VDAC1: variants seen among roughly 807,000 people sequenced by gnomAD.
VDAC1 encodes the protein voltage dependent anion channel 1.
VDAC1 carries 10 observed loss-of-function variants against 34.7 expected under a neutral mutation model. That is an observed-to-expected ratio of 0.29 (90% CI 0.18 to 0.49). VDAC1 has a LOEUF of 0.49. Among genes scored for constraint, VDAC1 ranks in the 20% least tolerant of loss-of-function variants. The pLI, the probability that VDAC1 is intolerant of heterozygous loss-of-function variation, is 0.99. For missense variants in VDAC1, 230 were observed against 347.9 expected (o/e 0.66, Z 2.69); for synonymous variants, 130 against 136.0 (o/e 0.96, Z 0.30).
At chr5:133,977,564 G>A (rs1383711863) in intron 6 of VDAC1, among the ~76,000 whole-genome samples, 1 of 152,152 alleles carries the variant, frequency 6.6e-6, no homozygotes, top group Non-Finnish European at 1.5e-5. Context: ...AAACTCTGCA[G>A]TCACTGCCAC....
At chr5:134,037,822 C>T in the VDAC1 span, among the ~76,000 whole-genome samples, 372 of 152,156 alleles carry the variant, frequency 2.4e-3, 3 homozygotes, top group African/African-American at 8.0e-3. Flanking sequence ...CAAAAAAAGC[C>T]CCCAAAAACA....
chr5:134,101,635 T>C, the VDAC1 span, among the ~76,000 whole-genome samples: 1 of 151,936 alleles, frequency 6.6e-6, no homozygotes, highest in Non-Finnish European at 1.5e-5. Flanking sequence ...AATCCGTAAA[T>C]GTGAGTTAAC....
At chr5:133,990,220 C>G (rs1753052472) in intron 5 of VDAC1, among the ~76,000 whole-genome samples, 1 of 152,230 alleles carries the variant, frequency 6.6e-6, no homozygotes, top group African/African-American at 2.4e-5. Context: ...AAAGTGCAGC[C>G]TCAGGAGCCA....
At chr5:134,071,251 T>C in the VDAC1 span, among the ~76,000 whole-genome samples, 1 of 152,154 alleles carries the variant, frequency 6.6e-6, no homozygotes, top group Non-Finnish European at 1.5e-5. The surrounding 1 kb of genome is among the most constrained non-coding windows in gnomAD (Gnocchi z 4.1). Flanking sequence ...ACTGCCAAGG[T>C]GCGGACGCAG....
chr5:134,006,265 C>T (rs768036985), upstream of VDAC1, among the ~76,000 whole-genome samples: 3 of 152,194 alleles, frequency 2.0e-5, no homozygotes, highest in African/African-American at 4.8e-5. Context: ...GTGGTCCCCA[C>T]CCCGCACACT....
intron 7 of VDAC1, 151 bp from the exon 8 acceptor site, chr5:133,973,999 T>A (rs1024576576): frequency 1.8e-5 from 12 of 650,878 alleles, no homozygotes; most frequent in African/African-American, 3.7e-5. Context: ...TTAAATTCAA[T>A]ACAAAATACA....
the VDAC1 span, among the ~76,000 whole-genome samples, chr5:134,069,047 A>G: frequency 6.7e-6 from 1 of 150,208 alleles, no homozygotes; most frequent in Non-Finnish European, 1.5e-5. Flanking sequence ...AAGTTTACTT[A>G]GTAGCAGTCC....
chr5:133,988,880 A>G (rs1463054441), intron 5 of VDAC1: 1 of 152,310 alleles, frequency 6.6e-6, no homozygotes, highest in Non-Finnish European at 1.5e-5. Flanking sequence ...TACAAATTCC[A>G]AAGTGTGCTA....
the VDAC1 span, among the ~76,000 whole-genome samples, chr5:134,109,770 C>CAAAAAAAAAAAA: frequency 1.6e-4 from 23 of 140,304 alleles, 1 homozygote; most frequent in African/African-American, 6.4e-4. Context: ...GGCTCCATCT[C>CAAAAAAAAAAAA]AAAAAAAAAA....
chr5:134,026,749 C>T, the VDAC1 span, among the ~76,000 whole-genome samples: 31 of 152,262 alleles, frequency 2.0e-4, 1 homozygote, highest in African/African-American at 7.2e-4. Context: ...CTCCCACCTA[C>T]TCACCAACAA....
At chr5:134,022,002 TC>T in the VDAC1 span, among the ~76,000 whole-genome samples, 6 of 151,608 alleles carry the variant, frequency 4.0e-5, no homozygotes, top group African/African-American at 1.5e-4. Flanking sequence ...TGCCTCAGCC[TC>T]CCAAGTAGCT....
chr5:134,046,100 A>G, the VDAC1 span, among the ~76,000 whole-genome samples: 1 of 148,116 alleles, frequency 6.8e-6, no homozygotes, highest in African/African-American at 2.5e-5. Context: ...ATCTCGGCTC[A>G]CTGCAAGCTC....
chr5:134,096,177 C>T, the VDAC1 span, among the ~76,000 whole-genome samples: 1 of 152,238 alleles, frequency 6.6e-6, no homozygotes, highest in Admixed American at 6.5e-5. Flanking sequence ...GACTCCCCCG[C>T]CTTGGTTCCC....
the VDAC1 span, among the ~76,000 whole-genome samples, chr5:134,036,942 G>A: frequency 7.3e-6 from 1 of 137,170 alleles, no homozygotes; most frequent in African/African-American, 2.8e-5. Context: ...AACAGAGTGA[G>A]ACTCCGTCTC....
At chr5:134,040,187 T>C in the VDAC1 span, among the ~76,000 whole-genome samples, 1 of 152,104 alleles carries the variant, frequency 6.6e-6, no homozygotes, top group Non-Finnish European at 1.5e-5. Context: ...CCCCAACACT[T>C]TGGGAGGCCA....
chr5:134,078,372 G>A, the VDAC1 span, among the ~76,000 whole-genome samples: 33 of 152,296 alleles, frequency 2.2e-4, no homozygotes, highest in East Asian at 6.0e-3. Flanking sequence ...TGCACTGTGC[G>A]GTCCAGGGGC....
At chr5:134,071,537 T>C in the VDAC1 span, among the ~76,000 whole-genome samples, 2 of 152,162 alleles carry the variant, frequency 1.3e-5, no homozygotes, top group African/African-American at 4.8e-5. This position sits in a 1 kb window ranked among gnomAD's most constrained non-coding sequence, Gnocchi z 4.1. Context: ...TGGCTGCGTG[T>C]GGTAAATGCA....
chr5:134,098,746 G>A, the VDAC1 span, among the ~76,000 whole-genome samples: 3 of 152,210 alleles, frequency 2.0e-5, no homozygotes, highest in Non-Finnish European at 4.4e-5. Context: ...CTAAGGCCAC[G>A]GTGACCAGGG....
chr5:134,042,716 G>T, the VDAC1 span, among the ~76,000 whole-genome samples: 1 of 152,144 alleles, frequency 6.6e-6, no homozygotes, highest in Non-Finnish European at 1.5e-5. Context: ...TGAACTCCTG[G>T]CCTCAAGTGA....
Sources: allele counts gnomAD v4.1 joint callset (sites outside exome capture counted in the v4.1 genomes callset), GRCh38; gene constraint gnomAD v4.1.1; non-coding constraint Gnocchi (gnomAD v3.1); transcripts MANE v1.5; gene names NCBI Gene and HGNC (gene_info 2026-07-23, HGNC 2026-07-21).